Variants in ARHGAP36 observed in about 807,000 individuals in gnomAD.
The protein encoded by ARHGAP36 is rho GTPase-activating protein 36.
Under a neutral mutation model 32.9 loss-of-function variants are expected in ARHGAP36, and 7 were observed. The observed-to-expected ratio is 0.21, with a 90% CI of 0.12 to 0.40. The LOEUF is 0.40. Ranked by LOEUF, ARHGAP36 falls within the 10% of genes least tolerant of loss-of-function variation. The pLI, the probability that ARHGAP36 is intolerant of heterozygous loss-of-function variation, is 1.00. For synonymous variants in ARHGAP36, 165 were observed against 168.3 expected, an observed-to-expected ratio of 0.98 and a Z score of 0.15; for missense variants, 383 against 442.2, an observed-to-expected ratio of 0.87 and a Z score of 1.20.
chrX:131,059,680 A>T (rs1185804500), intron 1 of ARHGAP36, among the ~76,000 whole-genome samples: 1 of 112,416 alleles, frequency 8.9e-6, no homozygotes, highest in East Asian at 2.8e-4. Context: ...AAGGAAAAAG[A>T]TCTGCATACA....
chrX:131,058,383 G>A lies in ARHGAP36; in HGVS notation c.-204G>A. The A allele has an allele frequency of 1.8e-6, 2 of 1,127,031 alleles. No homozygotes were observed. Among genetic ancestry groups the A allele is most frequent in the Non-Finnish European group, 1.2e-6 (1 of 853,338 alleles). The allele number at this position is 1,127,031 out of a possible 1,213,427, so 92.9% of individuals were successfully genotyped here. A position where few individuals can be genotyped will look rare whatever the true frequency, so the allele number is the denominator to read the frequency against. On this transcript the variant is annotated 5_prime_UTR_variant, in exon 1 of 12. Transcript: ENST00000276211. Reference sequence around the variant, plus strand: ...TGCGAGCTGCCGGGCACTCAGCGCGGGTCATGGCGTGGATACTGGACTGCC... The same window carrying A: ...TGCGAGCTGCCGGGCACTCAGCGCGAGTCATGGCGTGGATACTGGACTGCC...
At chrX:131,070,766 T>C (rs188180870) in intron 1 of ARHGAP36, among the ~76,000 whole-genome samples, 1 of 109,510 alleles carries the variant, frequency 9.1e-6, no homozygotes, top group Non-Finnish European at 1.9e-5. Context: ...CATGCGGTCT[T>C]TGTGTATGTA....
In ARHGAP36 at chrX:131,083,054, C is replaced by G. The variant is rs1246786967; in HGVS notation, c.254-111C>G. ...ATTACTTTTCGCCCGCTGGGCAGAGCTCGCCTCTCTGCCGCTCCCTCCCCC... is the reference window on the plus strand; with the variant it reads ...ATTACTTTTCGCCCGCTGGGCAGAGGTCGCCTCTCTGCCGCTCCCTCCCCC... On this transcript the variant is annotated intron_variant, in intron 2 of 11. Transcript: ENST00000276211. The G allele has an allele frequency of 6.6e-6, 5 of 755,625 alleles. No homozygotes were observed. In the African/African-American group the frequency reaches 1.1e-4, roughly 16 times the overall value. The allele number at this position is 755,625 out of a possible 1,213,427, so 62.3% of individuals were successfully genotyped here. A position where few individuals can be genotyped will look rare whatever the true frequency, so the allele number is the denominator to read the frequency against.
chrX:131,063,270 G>A (rs2079679059), intron 1 of ARHGAP36, among the ~76,000 whole-genome samples: 1 of 111,368 alleles, frequency 9.0e-6, no homozygotes, highest in South Asian at 3.8e-4. Context: ...GAAACCACGC[G>A]GCTTCCTCGG....
At chrX:131,059,822 T>G (rs1028937358) in intron 1 of ARHGAP36, among the ~76,000 whole-genome samples, 4 of 111,028 alleles carry the variant, frequency 3.6e-5, no homozygotes, top group Non-Finnish European at 7.6e-5. Context: ...AAAAAGGGGG[T>G]GGGGGAAACA....
intron 1 of ARHGAP36, chrX:131,078,687 G>A (rs2079778155): frequency 1.0e-5 from 10 of 965,333 alleles, no homozygotes; most frequent in Non-Finnish European, 1.3e-5. Context: ...TCTTGTCTGG[G>A]GACATTGGTC....
intron 1 of ARHGAP36, among the ~76,000 whole-genome samples, 184 bp downstream of exon 1, chrX:131,058,628 T>C (rs1408164621): frequency 8.8e-6 from 1 of 113,657 alleles, no homozygotes; most frequent in East Asian, 2.8e-4. Flanking sequence ...AATCACCAGC[T>C]TTGCCGGGAA....
At chrX:131,068,663 C>G (rs1216231241) in intron 1 of ARHGAP36, among the ~76,000 whole-genome samples, 1 of 101,093 alleles carries the variant, frequency 9.9e-6, no homozygotes, top group African/African-American at 3.6e-5. Context: ...GCTTCTCTCC[C>G]CGGCCCCCAC....
At chrX:131,086,244 C>A in intron 9 of ARHGAP36, 85 bp from the exon 10 acceptor site, 2 of 1,124,891 alleles carry the variant, frequency 1.8e-6, no homozygotes, top group Admixed American at 2.2e-5. Context: ...GCCCTGGTAC[C>A]TTTAGTCCTA....
chrX:131,075,540 A>C (rs2079757084), intron 1 of ARHGAP36, among the ~76,000 whole-genome samples: 2 of 106,816 alleles, frequency 1.9e-5, no homozygotes, highest in African/African-American at 7.2e-5. Flanking sequence ...TTCCAAAAAC[A>C]TATATATACT....
At chrX:131,062,763 T>A (rs2079676116) in intron 1 of ARHGAP36, among the ~76,000 whole-genome samples, 1 of 112,294 alleles carries the variant, frequency 8.9e-6, no homozygotes. Context: ...TCATACTACA[T>A]AAACTATCTC....
Position 131,058,443 on chromosome X carries a change from T to G in ARHGAP36, c.-144T>G. The G allele has an allele frequency of 9.3e-7, 1 of 1,070,913 alleles. No homozygotes were observed. The highest frequency in any genetic ancestry group is 4.0e-5 in the East Asian group (1 of 25,117). The allele number at this position is 1,070,913 out of a possible 1,213,427, so 88.3% of individuals were successfully genotyped here. A position where few individuals can be genotyped will look rare whatever the true frequency, so the allele number is the denominator to read the frequency against. On this transcript the variant is annotated splice_region_variant and 5_prime_UTR_variant, in exon 1 of 12. Coordinates refer to ENST00000276211, the MANE Select transcript of ARHGAP36 (RefSeq NM_144967.4). ...CGGCCTTTGAGCCCCGCCCCCGCCGTGGTGAGTGGGGCCCACCGAGTCGGG... is the reference window on the plus strand; with the variant it reads ...CGGCCTTTGAGCCCCGCCCCCGCCGGGGTGAGTGGGGCCCACCGAGTCGGG...
Position 131,089,164 on chromosome X carries a change from A to C in ARHGAP36, c.*379A>C. 7.4e-6 allele frequency: 1 copy of C among 134,954 alleles called. No individual in the cohort carries two copies. Among genetic ancestry groups the C allele is most frequent in the Non-Finnish European group, 1.5e-5 (1 of 68,152 alleles). 11.1% of individuals were successfully genotyped at this position (134,954 alleles called of 1,213,427 possible). A position where few individuals can be genotyped will look rare whatever the true frequency, so the allele number is the denominator to read the frequency against. On this transcript the variant is annotated 3_prime_UTR_variant, in exon 12 of 12. Coordinates refer to ENST00000276211, the MANE Select transcript of ARHGAP36 (RefSeq NM_144967.4). ...TCTTGAGATGCTTTCCCTTCCCCAG[A>C]TGGGATTGCATGATTTCCCTGACTT... is the stretch of plus-strand genomic sequence containing the variant.
intron 1 of ARHGAP36, among the ~76,000 whole-genome samples, chrX:131,067,891 T>C (rs1305963587): frequency 1.8e-5 from 2 of 111,414 alleles, no homozygotes; most frequent in Non-Finnish European, 1.9e-5. Context: ...TAAACCCACA[T>C]TGACACACTG....
At chrX:131,073,122 C>G (rs1465622998) in intron 1 of ARHGAP36, 1 of 112,514 alleles carries the variant, frequency 8.9e-6, no homozygotes, top group Non-Finnish European at 1.9e-5. Context: ...GGAGAGGAGA[C>G]CTGAGAGTGT....
chrX:131,088,525 T>C (rs1198570141), intron 11 of ARHGAP36, 103 bp from the exon 12 acceptor site: 11 of 830,634 alleles, frequency 1.3e-5, no homozygotes, highest in Non-Finnish European at 1.9e-5. Flanking sequence ...CCTTCTTGCC[T>C]CATACTGTAT....
intron 1 of ARHGAP36, among the ~76,000 whole-genome samples, chrX:131,067,259 T>G (rs1569364359): frequency 8.9e-6 from 1 of 112,797 alleles, no homozygotes; most frequent in East Asian, 2.8e-4. Flanking sequence ...GAGCAAATAG[T>G]TGGGCTCAGC....
At chrX:131,088,483 T>G (rs891979182) in intron 11 of ARHGAP36, 145 bp from the exon 12 acceptor site, 5 of 537,432 alleles carry the variant, frequency 9.3e-6, no homozygotes, top group Non-Finnish European at 8.7e-6. Flanking sequence ...AGTATTCTTA[T>G]ATGTCAAATG....
Position 131,072,804 on chromosome X carries a change from G to A in ARHGAP36, c.-142-8720G>A, listed in dbSNP as rs1216106655. Among the ~76,000 whole-genome samples, 12 of 111,921 alleles carry A rather than the reference G, an allele frequency of 1.1e-4. No homozygotes were observed. The Admixed American group carries it at 1.1e-3, about 11-fold the overall frequency. ...AATTCAGCAAACAGGTATACGTAAGGCACTGAGCTGGCTGCTGGGTAGAAA... is the reference window on the plus strand; with the variant it reads ...AATTCAGCAAACAGGTATACGTAAGACACTGAGCTGGCTGCTGGGTAGAAA... On this transcript the variant is annotated intron_variant, in intron 1 of 11. Transcript: ENST00000276211.
Sources: gnomAD v4.1 joint callset for allele counts (sites outside exome capture counted in the v4.1 genomes callset) on GRCh38, gnomAD v4.1.1 for gene constraint, MANE v1.5 for transcripts, NCBI Gene and HGNC (gene_info 2026-07-23, HGNC 2026-07-21) for gene names.